Variants in ITGA8 observed in about 807,000 individuals in gnomAD.
ITGA8 encodes the protein integrin subunit alpha 8, also known as integrin alpha-8.
ITGA8 carries 91 observed loss-of-function variants against 142.3 expected under a neutral mutation model. That is an observed-to-expected ratio of 0.64 (90% CI 0.54 to 0.76). The LOEUF (loss-of-function observed/expected upper bound fraction) is 0.76, where lower values mean the gene tolerates loss of function less well. Ranked by LOEUF, ITGA8 falls within the 30% of genes least tolerant of loss-of-function variation. The probability of loss-of-function intolerance (pLI) is 0.00; values close to 1 mark genes in which losing one functional copy is unlikely to be tolerated. For synonymous variants in ITGA8, 505 were observed against 485.2 expected (o/e 1.04, Z -0.54); for missense variants, 1,406 against 1,327.7 (o/e 1.06, Z -0.92).
intron 2 of ITGA8, among the ~76,000 whole-genome samples, chr10:15,713,776 C>T (rs73604908): frequency 0.015 from 2,219 of 152,288 alleles, 45 homozygotes; most frequent in African/African-American, 0.051. Context: ...TCCGGTCTCC[C>T]GCAATTCCAA....
Position 15,688,302 on chromosome 10 carries a change from C to CAA in ITGA8, c.344-266_344-265dup, listed in dbSNP as rs35060475. ...AAACCCTGTCTCTACCAAAAAATAC[C>CAA]AAAAAAAAAAAAAAAAAAAAATGCT... is the stretch of plus-strand genomic sequence containing the variant. On this transcript the variant is annotated intron_variant, in intron 2 of 29. Transcript: ENST00000378076. 0.13 allele frequency among the ~76,000 whole-genome samples: 14,287 copies of CAA among 112,660 alleles called. 1,001 individuals carry two copies. Among genetic ancestry groups the CAA allele is most frequent in the Middle Eastern group, 0.21 (42 of 200 alleles). 73.9% of individuals were successfully genotyped at this position (112,660 alleles called of 152,430 possible).
At chr10:15,638,974 A>C (rs1018136103) in intron 13 of ITGA8, among the ~76,000 whole-genome samples, 2 of 151,956 alleles carry the variant, frequency 1.3e-5, no homozygotes, top group East Asian at 3.9e-4. Flanking sequence ...AAAAAAAATC[A>C]AAAAATTAGC....
At chr10:15,537,486 C>T (rs961189339) in intron 27 of ITGA8, among the ~76,000 whole-genome samples, 1 of 152,188 alleles carries the variant, frequency 6.6e-6, no homozygotes, top group African/African-American at 2.4e-5. Flanking sequence ...ACTCTACTTG[C>T]ACTAAATATT....
intron 23 of ITGA8, among the ~76,000 whole-genome samples, 177 bp downstream of exon 23, chr10:15,586,407 G>T (rs1351001279): frequency 6.6e-6 from 1 of 152,014 alleles, no homozygotes; most frequent in Non-Finnish European, 1.5e-5. Flanking sequence ...GTTATTTAGG[G>T]TTTACTCTGC....
chr10:15,604,703 C>A (rs1833163615), intron 19 of ITGA8, among the ~76,000 whole-genome samples: 2 of 151,824 alleles, frequency 1.3e-5, no homozygotes, highest in Admixed American at 1.3e-4. Flanking sequence ...AAAATTACTG[C>A]AAATTTAACA....
intron 27 of ITGA8, among the ~76,000 whole-genome samples, chr10:15,545,848 T>C (rs148602857): frequency 6.6e-6 from 1 of 152,362 alleles, no homozygotes; most frequent in African/African-American, 2.4e-5. Context: ...ACTTGTGTTC[T>C]TTAAAAAACG....
intron 27 of ITGA8, among the ~76,000 whole-genome samples, chr10:15,534,569 T>C (rs2131545328): frequency 6.6e-6 from 1 of 152,310 alleles, no homozygotes; most frequent in East Asian, 1.9e-4. Flanking sequence ...CCATGTACCA[T>C]CCATTTGATG....
At chr10:15,519,447 C>T (rs200987767) in intron 28 of ITGA8, 35 bp from the exon 29 acceptor site, 380 of 1,609,530 alleles carry the variant, frequency 2.4e-4, no homozygotes, top group Non-Finnish European at 1.2e-4. Flanking sequence ...AGCTCTAATG[C>T]GAAAACTATT....
intron 25 of ITGA8, among the ~76,000 whole-genome samples, chr10:15,561,226 T>TACATATATATATATATATAC (rs750452088): frequency 2.8e-5 from 3 of 106,618 alleles, no homozygotes; most frequent in African/African-American, 1.2e-4. Context: ...TATATATATA[T>TACATATATATATATATATAC]ATATATATGT....
At chr10:15,547,336 C>T (rs1038576463) in intron 27 of ITGA8, among the ~76,000 whole-genome samples, 2 of 152,208 alleles carry the variant, frequency 1.3e-5, no homozygotes, top group Non-Finnish European at 2.9e-5. Flanking sequence ...CTTTGGGAGA[C>T]TGAAGCACGT....
intron 2 of ITGA8, among the ~76,000 whole-genome samples, chr10:15,708,241 G>T (rs1476516060): frequency 2.0e-5 from 3 of 152,158 alleles, no homozygotes; most frequent in Non-Finnish European, 4.4e-5. Flanking sequence ...ATAAGTAAAA[G>T]TGTGTTAAAG....
In ITGA8 at chr10:15,684,035, G is replaced by T. The variant is rs748467820; in HGVS notation, c.537C>A (p.Ser179Arg). ...GGCAAGGAGAGAACTCGGCATAGGC[G>T]CTGAAGTTCTGAATTGCTACATAGC... ...GTCYVAIQNF[S>R]AYAEFSPCRN... Residue 179 changes from serine to arginine, a missense_variant, in exon 4 of 30, where the codon AGC becomes AGA. Coordinates refer to ENST00000378076, the MANE Select transcript of ITGA8 (RefSeq NM_003638.3). 28 of 1,614,156 alleles carry T rather than the reference G, an allele frequency of 1.7e-5. No individual in the cohort carries two copies. The East Asian group carries it at 3.8e-4, about 22-fold the overall frequency.
Position 15,530,063 on chromosome 10 carries a change from A to G in ITGA8, c.2982+987T>C, listed in dbSNP as rs141554151. ...TCCTAATATTGTTTTTTGGAGCACT[A>G]TGCTTTTCAAAAGTCTCTGACCACC... On this transcript the variant is annotated intron_variant, in intron 28 of 29. Transcript: ENST00000378076. Among the ~76,000 whole-genome samples, 42 of 152,322 alleles carry G rather than the reference A, an allele frequency of 2.8e-4. 1 individual carries two copies. The highest frequency in any genetic ancestry group is 2.1e-3 in the Admixed American group (32 of 15,308).
At chr10:15,546,243 G>A (rs1257121960) in intron 27 of ITGA8, among the ~76,000 whole-genome samples, 1 of 152,162 alleles carries the variant, frequency 6.6e-6, no homozygotes. Context: ...CTGTTTGCCT[G>A]CTCAGTTTCT....
At chr10:15,683,170 T>A (rs1037544725) in intron 4 of ITGA8, among the ~76,000 whole-genome samples, 5 of 152,188 alleles carry the variant, frequency 3.3e-5, no homozygotes, top group African/African-American at 1.2e-4. Flanking sequence ...TCAACAAGAA[T>A]GAAAATCCAT....
Position 15,530,541 on chromosome 10 carries a change from C to CA in ITGA8, c.2982+508dup, listed in dbSNP as rs57521125. Among the ~76,000 whole-genome samples the CA allele has an allele frequency of 9.7e-3, 733 of 75,212 alleles. 44 individuals are homozygous for CA. Among genetic ancestry groups the CA allele is most frequent in the African/African-American group, 0.037 (668 of 17,830 alleles). 49.3% of individuals were successfully genotyped at this position (75,212 alleles called of 152,430 possible). A position where few individuals can be genotyped will look rare whatever the true frequency, so the allele number is the denominator to read the frequency against. On this transcript the variant is annotated intron_variant, in intron 28 of 29. Coordinates refer to ENST00000378076, the MANE Select transcript of ITGA8 (RefSeq NM_003638.3). ...AACCTGGGCGACAGAGCGAGACTCT[C>CA]AAAAAAAAAAAAAAAAAAAAAAGAC...
At chr10:15,607,315 G>A (rs769813523) in intron 17 of ITGA8, among the ~76,000 whole-genome samples, 1 of 152,126 alleles carries the variant, frequency 6.6e-6, no homozygotes, top group African/African-American at 2.4e-5. Flanking sequence ...TCTGAAACAT[G>A]CATTGATAAA....
rs1833692168 is a variant in ITGA8 at position 15,631,877 on chromosome 10, A to T, written c.1399+12153T>A. Among the ~76,000 whole-genome samples, 2 of 151,762 alleles carry T rather than the reference A, an allele frequency of 1.3e-5. 1 individual carries two copies. Among genetic ancestry groups the T allele is most frequent in the South Asian group, 4.1e-4 (2 of 4,820 alleles). On this transcript the variant is annotated intron_variant, in intron 13 of 29. Transcript: ENST00000378076. ...GATCAAGTATAAATAATATCCTATCATATACACTGGGTTTCAGAAAGAACC... is the reference window on the plus strand; with the variant it reads ...GATCAAGTATAAATAATATCCTATCTTATACACTGGGTTTCAGAAAGAACC...
At chr10:15,682,634 C>T (rs547034556) in intron 4 of ITGA8, among the ~76,000 whole-genome samples, 4 of 152,062 alleles carry the variant, frequency 2.6e-5, no homozygotes, top group Non-Finnish European at 4.4e-5. Flanking sequence ...GCGGATGGAT[C>T]GCATGAGCAC....
Sources: gnomAD v4.1 joint callset for allele counts (sites outside exome capture counted in the v4.1 genomes callset) on GRCh38, gnomAD v4.1.1 for gene constraint, MANE v1.5 for transcripts, NCBI Gene and HGNC (gene_info 2026-07-23, HGNC 2026-07-21) for gene names.